The following ATM variants were observed in gnomAD, a reference collection of about 807,000 sequenced individuals.
The protein encoded by ATM is serine-protein kinase ATM.
In ATM, 308 loss-of-function variants were observed where a neutral mutation model predicts 387.0. The ratio of observed to expected loss-of-function variants is 0.80; its 90% CI spans 0.73 to 0.87. ATM has a LOEUF of 0.87. Among genes scored for constraint, ATM ranks in the 40% least tolerant of loss-of-function variants. ATM has a pLI of 0.00. For missense variants in ATM, 3,312 were observed against 3,560.9 expected (o/e 0.93, Z 1.78); for synonymous variants, 1,156 against 1,187.3 (o/e 0.97, Z 0.54).
intron 29 of ATM, 95 bp downstream of exon 29, chr11:108,289,896 C>T (rs1332030177): frequency 1.6e-6 from 2 of 1,239,500 alleles, no homozygotes; most frequent in Non-Finnish European, 2.3e-6. Flanking sequence ...GACAAAGACT[C>T]ACTCTGTCCG....
chr11:108,320,224 C>A (rs1450943203), intron 44 of ATM, among the ~76,000 whole-genome samples, 166 bp downstream of exon 44: 3 of 152,180 alleles, frequency 2.0e-5, no homozygotes, highest in Non-Finnish European at 2.9e-5. Context: ...TCCTTCAAAA[C>A]AAATTGTTTC....
chr11:108,303,015 A>C lies in ATM; in HGVS notation c.5482A>C (p.Lys1828Gln), dbSNP rs2083509111. The C allele has an allele frequency of 6.2e-7, 1 of 1,612,532 alleles. No individual in the cohort carries two copies. The highest frequency in any genetic ancestry group is 8.5e-7 in the Non-Finnish European group (1 of 1,178,756). Residue 1828 changes from lysine (K) to glutamine (Q), a missense_variant, in exon 36 of 63, where the codon AAG becomes CAG. Physicochemically the swap from Lys to Gln is moderately conservative, Grantham distance 53. Around this residue, in one of 4 missense-constraint regions of ATM, gnomAD observed 1,405 missense variants for 1,604.4 expected, o/e 0.88. Transcript: ENST00000675843. ...AAAATGTGAAATTCTTCAATTATTA[A>C]AGCCAATGTGTGAAGTAAGAAGATT... is the stretch of plus-strand genomic sequence containing the variant. ...GTKCEILQLL[K>Q]PMCEVKTDFC...
chr11:108,293,437 A>G lies in ATM; in HGVS notation c.4736A>G (p.Gln1579Arg), dbSNP rs2135813127. The stretch of plus-strand genomic sequence containing the variant: ...TTTAAGGATTTGCGTATTACTCAGC[A>G]AAAAATCAAATACAGTAGAGGACCC... ...VVFKDLRITQQKIKYSRGPFS... is the reference protein window; with the variant it reads ...VVFKDLRITQRKIKYSRGPFS... Residue 1579 changes from glutamine (Q) to arginine (R), a missense_variant, in exon 31 of 63, where the codon CAA becomes CGA. Physicochemically the swap from Gln to Arg is conservative, Grantham distance 43. This residue lies in a region of ATM where 1,405 missense variants were observed against 1,604.4 expected (regional missense o/e 0.88). Transcript: ENST00000675843. 6.2e-7 allele frequency: 1 copy of G among 1,612,834 alleles called. No homozygotes were observed. Among genetic ancestry groups the G allele is most frequent in the Non-Finnish European group, 8.5e-7 (1 of 1,179,146 alleles).
intron 61 of ATM, among the ~76,000 whole-genome samples, chr11:108,359,667 G>A (rs2090468799): frequency 6.6e-6 from 1 of 152,224 alleles, no homozygotes; most frequent in East Asian, 1.9e-4. Context: ...CAACTACATG[G>A]AAACCAAACA....
chr11:108,264,645 GA>G (rs1446350571), intron 16 of ATM, among the ~76,000 whole-genome samples: 2 of 142,542 alleles, frequency 1.4e-5, no homozygotes, highest in Non-Finnish European at 1.5e-5. Context: ...AATCAGGCAG[GA>G]GAAGGAAATA....
chr11:108,229,440 A>G (rs2135043551), intron 4 of ATM, 117 bp downstream of exon 4: 1 of 1,063,030 alleles, frequency 9.4e-7, no homozygotes, highest in Non-Finnish European at 1.4e-6. Context: ...TTCTAAATAG[A>G]ATAAGATAAA....
At chr11:108,245,077 G>C (rs776509385) in intron 7 of ATM, 51 bp downstream of exon 7, 1 of 1,407,006 alleles carries the variant, frequency 7.1e-7, no homozygotes. Flanking sequence ...TTCAAACATA[G>C]AAGTCTAAGT....
intron 22 of ATM, among the ~76,000 whole-genome samples, chr11:108,275,055 T>G (rs988565575): frequency 6.6e-6 from 1 of 152,220 alleles, no homozygotes; most frequent in Non-Finnish European, 1.5e-5. Context: ...TGCTCCTGTA[T>G]TGGGTGCATA....
chr11:108,304,691 G>C lies in ATM; in HGVS notation c.5513G>C (p.Cys1838Ser), dbSNP rs2135942666. 1 of 1,613,828 alleles carries C rather than the reference G, an allele frequency of 6.2e-7. No individual in the cohort carries two copies. The highest frequency in any genetic ancestry group is 8.5e-7 in the Non-Finnish European group (1 of 1,179,912). The change falls in exon 37 of 63, where the codon TGT becomes TCT. Residue 1838 changes from cysteine (C) to serine (S), a missense_variant. Cys to Ser is a moderately radical substitution (Grantham distance 112, BLOSUM62 -1). Transcript: ENST00000675843. ...KPMCEVKTDF[C>S]QTVLPYLIHD... ...ATATTCTAGGTGAAAACTGACTTTT[G>C]TCAGACTGTACTTCCATACTTGATT...
rs550028519 is a variant in ATM, at chr11:108,321,615, T to C, written c.6572+195T>C. On this transcript the variant is annotated intron_variant, in intron 45 of 62. Coordinates refer to ENST00000675843, the MANE Select transcript of ATM (RefSeq NM_000051.4). ...CTGGCCAACATGGTGAAACCCTATC[T>C]CTACTAAAAATACAAAAATTAGCCA... Among the ~76,000 whole-genome samples, 10 of 152,216 alleles carry C rather than the reference T, an allele frequency of 6.6e-5. 1 individual carries two copies. The South Asian group carries it at 2.1e-3, about 32-fold the overall frequency.
intron 17 of ATM, 35 bp downstream of exon 17, chr11:108,267,377 C>A (rs945170443): frequency 6.2e-7 from 1 of 1,600,166 alleles, no homozygotes; most frequent in East Asian, 2.2e-5. Flanking sequence ...ATTTCTTTTA[C>A]TTCTTTATAT....
At chr11:108,333,079 T>C (rs1466162530) in intron 53 of ATM, among the ~76,000 whole-genome samples, 179 bp downstream of exon 53, 1 of 152,194 alleles carries the variant, frequency 6.6e-6, no homozygotes, top group East Asian at 1.9e-4. Context: ...TATCTCTTAA[T>C]AGAACTGGTA....
chr11:108,345,411 C>T (rs1341953778), intron 57 of ATM, among the ~76,000 whole-genome samples: 1 of 152,186 alleles, frequency 6.6e-6, no homozygotes, highest in African/African-American at 2.4e-5. Flanking sequence ...CAACCCAATG[C>T]TGTGATGCCA....
At position 108,327,067 on chromosome 11, in the gene ATM, A is replaced by G. The variant is rs4988108; in HGVS notation, c.6976-578A>G. On this transcript the variant is annotated intron_variant, in intron 47 of 62. Transcript: ENST00000675843. Reference sequence around the variant, plus strand: ...GGTCTCGAACTCCTGAGCTCAGGCAATCTACCCGCCTTGTCCTCTGAAAGT... The same window carrying G: ...GGTCTCGAACTCCTGAGCTCAGGCAGTCTACCCGCCTTGTCCTCTGAAAGT... Among the ~76,000 whole-genome samples, 433 of 152,218 alleles carry G rather than the reference A, an allele frequency of 2.8e-3. 3 individuals carry two copies. Among genetic ancestry groups the G allele is most frequent in the African/African-American group, 0.01 (422 of 41,522 alleles).
At chr11:108,289,901 T>C in intron 29 of ATM, 100 bp downstream of exon 29, 1 of 1,195,534 alleles carries the variant, frequency 8.4e-7, no homozygotes, top group Non-Finnish European at 1.2e-6. Context: ...AGACTCACTC[T>C]GTCCGCCCAG....
rs1555152041 is a variant in ATM, at chr11:108,365,473, A to G, written c.9136A>G (p.Ser3046Gly). ...IQQAIDPKNL[S>G]RLFPGWKAWV ...GCAGGCCATAGACCCCAAAAATCTC[A>G]GCCGACTTTTCCCAGGATGGAAAGC... is the stretch of plus-strand genomic sequence containing the variant. The change falls in exon 63 of 63, where the codon AGC (serine) becomes GGC (glycine). Residue 3046 changes from serine (S) to glycine (G), a missense_variant. Ser to Gly is a moderately conservative substitution (Grantham distance 56). Around this residue, in one of 4 missense-constraint regions of ATM, gnomAD observed 95 missense variants for 100.3 expected, o/e 0.95. Coordinates refer to ENST00000675843, the MANE Select transcript of ATM (RefSeq NM_000051.4). 3.7e-6 allele frequency: 6 copies of G among 1,613,820 alleles called. 1 individual carries two copies. In the East Asian group the frequency reaches 1.3e-4, roughly 36 times the overall value.
chr11:108,319,552 T>C (rs895944113), intron 43 of ATM, among the ~76,000 whole-genome samples: 1 of 152,246 alleles, frequency 6.6e-6, no homozygotes, highest in Non-Finnish European at 1.5e-5. Flanking sequence ...TACCCTGTTT[T>C]AATTCTCTGC....
At chr11:108,344,770 A>G (rs1360994604) in intron 57 of ATM, among the ~76,000 whole-genome samples, 2 of 152,046 alleles carry the variant, frequency 1.3e-5, no homozygotes, top group Non-Finnish European at 2.9e-5. Flanking sequence ...TAAGGATACC[A>G]AGGCAGGAGG....
At chr11:108,313,706 A>G (rs1048801967) in intron 40 of ATM, among the ~76,000 whole-genome samples, 1 of 151,952 alleles carries the variant, frequency 6.6e-6, no homozygotes, top group Non-Finnish European at 1.5e-5. Flanking sequence ...GAACTTTTCT[A>G]CTCTGAGGAC....
Sources: gnomAD v4.1 joint callset for allele counts (sites outside exome capture counted in the v4.1 genomes callset) on GRCh38, gnomAD v4.1.1 for gene constraint, gnomAD v4.1.1 regional missense constraint, MANE v1.5 for transcripts, NCBI Gene and HGNC (gene_info 2026-07-23, HGNC 2026-07-21) for gene names.